The following KLK7 variants were observed in gnomAD, a reference collection of about 807,000 sequenced individuals.
The protein encoded by KLK7 is kallikrein related peptidase 7.
In KLK7, 17 loss-of-function variants were observed where a neutral mutation model predicts 21.0. The observed-to-expected ratio is 0.81, with a 90% CI of 0.55 to 1.21. KLK7 has a LOEUF of 1.21. Among genes scored for constraint, KLK7 ranks in the 50% most tolerant of loss-of-function variants. KLK7 has a pLI of 0.00. For missense variants in KLK7, 330 were observed against 322.8 expected, an observed-to-expected ratio of 1.02 and a Z score of -0.17; for synonymous variants, 151 against 134.6, an observed-to-expected ratio of 1.12 and a Z score of -0.85.
intron 1 of KLK7, among the ~76,000 whole-genome samples, chr19:50,983,065 C>T (rs1454286778): frequency 2.8e-4 from 6 of 21,166 alleles, no homozygotes; most frequent in Non-Finnish European, 5.5e-4. Context: ...GGAGTCCAGG[C>T]CCCAGCCCCT....
At position 50,980,299 on chromosome 19, in the gene KLK7, C is replaced by T; in HGVS notation, c.410G>A (p.Cys137Tyr). Residue 137 changes from cysteine to tyrosine, a missense_variant, in exon 4 of 6, where the codon TGC (cysteine) becomes TAC (tyrosine). Transcript: ENST00000595820. The stretch of plus-strand genomic sequence containing the variant: ...AGTACAGGTGGTTCCAGGGGGTTCG[C>T]AGCGGGAGGGCAGCCTGACTTTCTT... ...MVKKVRLPSR[C>Y]EPPGTTCTVS... The T allele has an allele frequency of 6.2e-7, 1 of 1,613,996 alleles. No homozygotes were observed. Among genetic ancestry groups the T allele is most frequent in the Non-Finnish European group, 8.5e-7 (1 of 1,179,962 alleles).
At position 50,981,806 on chromosome 19, in the gene KLK7, T is replaced by C. The variant is rs771147048; in HGVS notation, c.182A>G (p.Asn61Ser). 6.9e-6 allele frequency: 11 copies of C among 1,596,108 alleles called. No homozygotes were observed. In the East Asian group the frequency reaches 9.0e-5, roughly 13 times the overall value. The change falls in exon 3 of 6, where the codon AAT becomes AGT. Residue 61 changes from asparagine (N) to serine (S), a missense_variant. Asn to Ser is a conservative substitution (Grantham distance 46, BLOSUM62 1). Transcript: ENST00000595820. ...GGCGGCAGTGAGCACCCAGCGCTCA[T>C]TGACCAGGACGCCTCCGCAGTGGAG... ...NQLHCGGVLV[N>S]ERWVLTAAHC...
chr19:50,977,357 C>T lies in KLK7; in HGVS notation c.*179G>A, dbSNP rs1047337191. ...CTCCAGCACTGAGGGTTTTGTGTTT[C>T]TTTATTTGTTTTGGTTTTAGGTCTT... On this transcript the variant is annotated 3_prime_UTR_variant, in exon 6 of 6. Transcript: ENST00000595820. 9 of 618,600 alleles carry T rather than the reference C, an allele frequency of 1.5e-5. No individual in the cohort carries two copies. Among genetic ancestry groups the T allele is most frequent in the Non-Finnish European group, 2.3e-5 (8 of 354,962 alleles). 38.3% of individuals were successfully genotyped at this position (618,600 alleles called of 1,614,324 possible).
chr19:50,979,945 A>G, intron 4 of KLK7, 21 bp from the exon 5 acceptor site: 2 of 1,587,398 alleles, frequency 1.3e-6, no homozygotes, highest in Non-Finnish European at 1.7e-6. Flanking sequence ...GAGCAGGGAG[A>G]GCTGTCAGTC....
intron 4 of KLK7, 113 bp from the exon 5 acceptor site, chr19:50,980,037 C>A: frequency 7.4e-7 from 1 of 1,342,948 alleles, no homozygotes. Flanking sequence ...CCCAGGACTG[C>A]TGGGTCTGAG....
intron 3 of KLK7, among the ~76,000 whole-genome samples, chr19:50,981,336 T>G (rs1464205162): frequency 4.1e-5 from 4 of 96,720 alleles, no homozygotes; most frequent in East Asian, 3.6e-4. Flanking sequence ...GGAACAGAGA[T>G]CCAGAGAGAA....
intron 4 of KLK7, 114 bp from the exon 5 acceptor site, chr19:50,980,038 T>G: frequency 3.1e-6 from 4 of 1,304,682 alleles, no homozygotes; most frequent in South Asian, 1.5e-5. Flanking sequence ...CCAGGACTGC[T>G]GGGTCTGAGG....
At position 50,981,981 on chromosome 19, in the gene KLK7, G is replaced by A. The variant is rs924786166; in HGVS notation, c.74-67C>T. The stretch of plus-strand genomic sequence containing the variant: ...GGGGAAGGCTGAGGCTGCACCTCAG[G>A]GATTCCCAGAGTCAGAGATGGACAG... On this transcript the variant is annotated intron_variant, in intron 2 of 5. Transcript: ENST00000595820. 6 of 1,514,750 alleles carry A rather than the reference G, an allele frequency of 4.0e-6. No homozygotes were observed. In the African/African-American group the frequency reaches 8.2e-5, roughly 21 times the overall value. The allele number at this position is 1,514,750 out of a possible 1,614,324, so 93.8% of individuals were successfully genotyped here.
intron 5 of KLK7, 89 bp downstream of exon 5, chr19:50,979,699 G>T (rs563465365): frequency 1.5e-6 from 2 of 1,355,150 alleles, no homozygotes; most frequent in Non-Finnish European, 2.0e-6. Flanking sequence ...GGCCGGGCTT[G>T]GTACCCAGTC....
intron 5 of KLK7, among the ~76,000 whole-genome samples, chr19:50,978,079 C>A (rs901095787): frequency 1.3e-5 from 2 of 152,144 alleles, no homozygotes; most frequent in African/African-American, 4.8e-5. Context: ...GGGTGAAGAC[C>A]AGTTACATAA....
intron 5 of KLK7, 70 bp from the exon 6 acceptor site, chr19:50,977,761 C>G (rs774832270): frequency 8.5e-5 from 127 of 1,491,436 alleles, no homozygotes; most frequent in South Asian, 4.6e-5. Context: ...ATACATTCCT[C>G]AGTTATCGGT....
chr19:50,982,582 TCCAGGCCCCAGCCCCTCCTCCCTC>T, intron 1 of KLK7, 125 bp from the exon 2 acceptor site: 3 of 600,530 alleles, frequency 5.0e-6, no homozygotes, highest in Non-Finnish European at 7.7e-6. Flanking sequence ...GACCCAGGGG[TCCAGGCCCCAGCCCCTCCTCCCTC>T]AGACCTAGGG....
Position 50,981,753 on chromosome 19 carries a change from T to C in KLK7, c.221+14A>G. 3.2e-6 allele frequency: 5 copies of C among 1,557,316 alleles called. No homozygotes were observed. Among genetic ancestry groups the C allele is most frequent in the Non-Finnish European group, 4.3e-6 (5 of 1,150,474 alleles). ...CGCTGGTGCACCTCCAGCAGAGACT[T>C]GGGCGGCACCTACTTCATCTTGCAG... is the stretch of plus-strand genomic sequence containing the variant. On this transcript the variant is annotated intron_variant, in intron 3 of 5. Transcript: ENST00000595820.
chr19:50,978,395 A>C (rs1176040027), intron 5 of KLK7, among the ~76,000 whole-genome samples: 5 of 151,778 alleles, frequency 3.3e-5, no homozygotes, highest in Non-Finnish European at 4.4e-5. Flanking sequence ...AGACAGAGAG[A>C]GTTGGAGGTG....
chr19:50,980,805 G>A (rs530649728), intron 3 of KLK7, among the ~76,000 whole-genome samples: 69 of 141,318 alleles, frequency 4.9e-4, no homozygotes, highest in African/African-American at 1.8e-3. Context: ...CACAGAGAGA[G>A]GAGAGGGGAC....
At chr19:50,984,031 G>A, upstream of KLK7, 1 of 769,752 alleles carries the variant, frequency 1.3e-6, no homozygotes, top group Non-Finnish European at 1.9e-6. Context: ...TTGCGGTTCT[G>A]GTTATCTGGA....
At chr19:50,981,729 G>C (rs771416833) in intron 3 of KLK7, 38 bp downstream of exon 3, 149 of 1,528,888 alleles carry the variant, frequency 9.7e-5, no homozygotes, top group South Asian at 1.2e-5. Flanking sequence ...AGCTGGAGAC[G>C]CTGGTGCACC....
intron 3 of KLK7, 116 bp downstream of exon 3, chr19:50,981,651 G>A (rs1273223491): frequency 3.5e-5 from 35 of 1,010,790 alleles, no homozygotes; most frequent in Non-Finnish European, 4.8e-5. Context: ...GAGAGAGGAG[G>A]ACAGAGACCC....
Position 50,981,186 on chromosome 19 carries a change from GACAGAGACCAGAGAGAGAGGAGGGGGA to G in KLK7, c.221+554_221+580del, listed in dbSNP as rs1235113459. 1.9e-3 allele frequency among the ~76,000 whole-genome samples: 257 copies of G among 138,814 alleles called. 1 individual carries two copies. Among genetic ancestry groups the G allele is most frequent in the African/African-American group, 6.8e-3 (241 of 35,302 alleles). The allele number at this position is 138,814 out of a possible 152,430, so 91.1% of individuals were successfully genotyped here. On this transcript the variant is annotated intron_variant, in intron 3 of 5. Transcript: ENST00000595820. Reference sequence around the variant, plus strand: ...GGTGACAGAGACCCAGAGAGAGAGGGACAGAGACCAGAGAGAGAGGAGGGGGAACAGAGACCAGAGAGAGAGGGGGAC... The same window carrying G: ...GGTGACAGAGACCCAGAGAGAGAGGGACAGAGACCAGAGAGAGAGGGGGAC...
Sources: gnomAD v4.1 joint callset for allele counts (sites outside exome capture counted in the v4.1 genomes callset) on GRCh38, gnomAD v4.1.1 for gene constraint, MANE v1.5 for transcripts, NCBI Gene and HGNC (gene_info 2026-07-23, HGNC 2026-07-21) for gene names.